Variants in MARCHF1 observed in about 807,000 individuals in gnomAD.
The protein encoded by MARCHF1 is E3 ubiquitin-protein ligase MARCHF1.
A neutral mutation model predicts 54.2 loss-of-function variants in MARCHF1; 40 were observed. The observed-to-expected ratio is 0.74, with a 90% CI of 0.57 to 0.96. The LOEUF (loss-of-function observed/expected upper bound fraction) is 0.96, where lower values mean the gene tolerates loss of function less well. MARCHF1 is among the 40% of genes least tolerant of loss of function. The pLI, the probability that MARCHF1 is intolerant of heterozygous loss-of-function variation, is 0.00. For synonymous variants in MARCHF1, 236 were observed against 236.3 expected (o/e 1.00, Z 0.01); for missense variants, 586 against 656.5 (o/e 0.89, Z 1.17).
At chr4:164,223,775 A>G (rs1732177146) in intron 1 of MARCHF1, among the ~76,000 whole-genome samples, 1 of 151,750 alleles carries the variant, frequency 6.6e-6, no homozygotes, top group South Asian at 2.1e-4. Flanking sequence ...CTGCTCTTTA[A>G]AAAAGTGTTC....
intron 5 of MARCHF1, among the ~76,000 whole-genome samples, chr4:163,665,283 G>A (rs921449935): frequency 3.3e-5 from 5 of 152,030 alleles, no homozygotes; most frequent in Non-Finnish European, 7.4e-5. Flanking sequence ...TTTTAATTGC[G>A]TAAAAGGTTC....
intron 2 of MARCHF1, among the ~76,000 whole-genome samples, chr4:164,014,118 G>A (rs1334556466): frequency 6.6e-6 from 1 of 151,668 alleles, no homozygotes. Context: ...TTTGAACCCA[G>A]GAGGCAGAGG....
At chr4:163,698,734 T>A (rs1201692052) in intron 5 of MARCHF1, among the ~76,000 whole-genome samples, 4 of 152,190 alleles carry the variant, frequency 2.6e-5, no homozygotes, top group Non-Finnish European at 5.9e-5. Flanking sequence ...AAGAGCAGTT[T>A]AGAAATGCAG....
rs185500066 is a variant in MARCHF1, at chr4:164,142,758, A to T, written c.-322-31096T>A. On this transcript the variant is annotated intron_variant, in intron 1 of 9. Transcript: ENST00000514618. ...AGAAAAACTGGAAACTCTAAAAAGG[A>T]GAGCAACTCTCCTCCTCCAAAGGAA... Among the ~76,000 whole-genome samples the T allele has an allele frequency of 7.9e-3, 1,196 of 152,352 alleles. 17 individuals are homozygous for T. The highest frequency in any genetic ancestry group is 0.028 in the African/African-American group (1,149 of 41,584).
At chr4:164,298,509 T>A (rs891131422) in intron 1 of MARCHF1, among the ~76,000 whole-genome samples, 1 of 152,084 alleles carries the variant, frequency 6.6e-6, no homozygotes, top group Non-Finnish European at 1.5e-5. Flanking sequence ...CCCTTTTATA[T>A]ATTTTAAACA....
intron 2 of MARCHF1, among the ~76,000 whole-genome samples, chr4:164,018,120 T>C (rs1753583726): frequency 6.6e-6 from 1 of 151,964 alleles, no homozygotes; most frequent in African/African-American, 2.4e-5. Flanking sequence ...TAAATAAAAA[T>C]TGAACTTTGC....
chr4:164,197,567 T>C (rs766469037), intron 1 of MARCHF1: 1 of 1,613,294 alleles, frequency 6.2e-7, no homozygotes, highest in African/African-American at 1.3e-5. Context: ...CCGTTGATTT[T>C]ACTTAAGAAT....
Position 163,997,599 on chromosome 4 carries a change from C to T in MARCHF1, c.-247-8890G>A, listed in dbSNP as rs949681921. Among the ~76,000 whole-genome samples the T allele has an allele frequency of 5.3e-5, 8 of 151,888 alleles. No homozygotes were observed. The East Asian group carries it at 1.3e-3, about 26-fold the overall frequency. The stretch of plus-strand genomic sequence containing the variant: ...ACCCTTTAATTTGGGGTTTCTGTGA[C>T]ATTAGATATTGTGTTTACTATTTGT... On this transcript the variant is annotated intron_variant, in intron 2 of 9. Coordinates refer to ENST00000514618, the MANE Select transcript of MARCHF1 (RefSeq NM_001394959.1).
Position 163,612,761 on chromosome 4 carries a change from T to A in MARCHF1, c.520A>T (p.Lys174Ter). 9 of 1,535,450 alleles carry A rather than the reference T, an allele frequency of 5.9e-6. No homozygotes were observed. Among genetic ancestry groups the A allele is most frequent in the Non-Finnish European group, 7.9e-6 (9 of 1,146,488 alleles). Residue 174 changes from lysine (K) to a stop codon, truncating the protein, a stop_gained, in exon 7 of 10, where the codon AAA (lysine) becomes TAA (stop). Transcript: ENST00000514618. LOFTEE classifies it high-confidence loss of function. ...CTGAATTTAACCTGGGCTCTTCTTT[T>A]TGCCTGAATCCAATGACTCTCATCT... ...STDESHWIQAKRRAQVKFRLS... is the reference protein window; with the variant it reads ...STDESHWIQA
intron 3 of MARCHF1, among the ~76,000 whole-genome samples, chr4:163,961,122 G>A (rs891199251): frequency 2.6e-5 from 4 of 151,918 alleles, no homozygotes; most frequent in Non-Finnish European, 4.4e-5. Context: ...TCCAAAGATA[G>A]TCACATTAGG....
At chr4:163,819,039 T>C (rs1488304709) in intron 4 of MARCHF1, among the ~76,000 whole-genome samples, 1 of 152,118 alleles carries the variant, frequency 6.6e-6, no homozygotes, top group Non-Finnish European at 1.5e-5. Context: ...TGATCCATCA[T>C]CAGCATGGCC....
chr4:164,118,603 T>C (rs1287573339), intron 1 of MARCHF1, among the ~76,000 whole-genome samples: 5 of 151,472 alleles, frequency 3.3e-5, no homozygotes, highest in Non-Finnish European at 7.4e-5. Context: ...CAGATAAATG[T>C]CCAGTTTAAT....
At chr4:164,251,981 C>A (rs1047690870) in intron 1 of MARCHF1, among the ~76,000 whole-genome samples, 10 of 152,144 alleles carry the variant, frequency 6.6e-5, no homozygotes, top group Admixed American at 6.5e-4. Context: ...TTAGATAAAT[C>A]ATCACAAAAT....
intron 5 of MARCHF1, among the ~76,000 whole-genome samples, chr4:163,685,662 C>T (rs1744246256): frequency 6.6e-6 from 1 of 152,136 alleles, no homozygotes; most frequent in Non-Finnish European, 1.5e-5. Context: ...CCATGTTGGC[C>T]AGGCTGGTCT....
At chr4:163,929,310 A>T (rs2111386344) in intron 3 of MARCHF1, among the ~76,000 whole-genome samples, 1 of 152,162 alleles carries the variant, frequency 6.6e-6, no homozygotes, top group African/African-American at 2.4e-5. Context: ...CAGCAATAAT[A>T]ATGGCTGCCT....
intron 3 of MARCHF1, among the ~76,000 whole-genome samples, chr4:163,859,003 C>T (rs1749847210): frequency 6.6e-6 from 1 of 152,064 alleles, no homozygotes; most frequent in African/African-American, 2.4e-5. Context: ...GAGAGATGTT[C>T]ATAGTTGTAT....
At chr4:163,687,553 C>A (rs189470185) in intron 5 of MARCHF1, among the ~76,000 whole-genome samples, 155 of 151,980 alleles carry the variant, frequency 1.0e-3, no homozygotes, top group African/African-American at 3.5e-3. Flanking sequence ...AGATTAAAGG[C>A]CTGTGATGAA....
chr4:163,994,733 GCACACATA>G (rs1358127325), intron 2 of MARCHF1, among the ~76,000 whole-genome samples: 125 of 94,392 alleles, frequency 1.3e-3, no homozygotes, highest in Middle Eastern at 0.015. Flanking sequence ...TCCTAATCAA[GCACACATA>G]CACACACACA....
chr4:163,746,552 T>C (rs1445858985), intron 4 of MARCHF1, among the ~76,000 whole-genome samples: 6 of 152,212 alleles, frequency 3.9e-5, no homozygotes, highest in Admixed American at 3.9e-4. Context: ...GATGGTGTGA[T>C]AACAGTTATA....
Sources: allele counts gnomAD v4.1 joint callset (sites outside exome capture counted in the v4.1 genomes callset), GRCh38; gene constraint gnomAD v4.1.1; transcripts MANE v1.5; gene names NCBI Gene and HGNC (gene_info 2026-07-23, HGNC 2026-07-21).